Variants in ADGRL3 observed in about 807,000 individuals in gnomAD.
The protein encoded by ADGRL3 is adhesion G protein-coupled receptor L3.
A neutral mutation model predicts 153.5 loss-of-function variants in ADGRL3; 62 were observed. The ratio of observed to expected loss-of-function variants is 0.40; its 90% confidence interval spans 0.33 to 0.50. ADGRL3 has a LOEUF of 0.50. ADGRL3 is among the 20% of genes least tolerant of loss of function. The pLI is 0.47. For missense variants in ADGRL3, 1,641 were observed against 1,859.4 expected, an observed-to-expected ratio of 0.88 and a Z score of 2.16; for synonymous variants, 710 against 672.5, an observed-to-expected ratio of 1.06 and a Z score of -0.86.
intron 1 of ADGRL3, among the ~76,000 whole-genome samples, chr4:61,205,774 G>T (rs994275442): frequency 6.6e-6 from 1 of 152,116 alleles, no homozygotes; most frequent in Admixed American, 6.5e-5. Flanking sequence ...TTGATCAATG[G>T]AGAGAAAAAT....
intron 2 of ADGRL3, among the ~76,000 whole-genome samples, chr4:61,394,144 T>A (rs2096843507): frequency 6.6e-6 from 1 of 152,090 alleles, no homozygotes; most frequent in African/African-American, 2.4e-5. Flanking sequence ...TATAGAATAA[T>A]GAATAATCTC....
intron 4 of ADGRL3, among the ~76,000 whole-genome samples, chr4:61,526,837 T>A (rs565740224): frequency 7.9e-5 from 12 of 151,950 alleles, no homozygotes; most frequent in Non-Finnish European, 1.5e-4. Context: ...CCTTATGAGA[T>A]AAGTAGAGAA....
chr4:61,829,694 CTT>C (rs2097848511), intron 9 of ADGRL3, among the ~76,000 whole-genome samples: 2 of 151,946 alleles, frequency 1.3e-5, no homozygotes, highest in Admixed American at 1.3e-4. Flanking sequence ...TTTTTTACCA[CTT>C]TTTTTAAAAA....
chr4:61,939,359 C>T (rs2098861944), intron 15 of ADGRL3, among the ~76,000 whole-genome samples: 1 of 152,132 alleles, frequency 6.6e-6, no homozygotes, highest in Non-Finnish European at 1.5e-5. Flanking sequence ...TAAATCTCTT[C>T]TGTATGCAGA....
intron 2 of ADGRL3, among the ~76,000 whole-genome samples, chr4:61,428,478 G>T (rs182897526): frequency 6.6e-6 from 1 of 152,286 alleles, no homozygotes; most frequent in East Asian, 1.9e-4. Context: ...ACCATCAATA[G>T]TTTCAAAGGC....
intron 1 of ADGRL3, among the ~76,000 whole-genome samples, chr4:61,302,872 A>G (rs2094625703): frequency 6.6e-6 from 1 of 152,176 alleles, no homozygotes; most frequent in Non-Finnish European, 1.5e-5. Flanking sequence ...TATTGTCTTT[A>G]TAATCAGGAA....
Position 61,775,684 on chromosome 4 carries a change from C to G in ADGRL3, c.1400-38125C>G, listed in dbSNP as rs1420295174. 9.4e-6 allele frequency: 14 copies of G among 1,486,386 alleles called. 1 individual carries two copies. The Admixed American group carries it at 1.3e-4, about 14-fold the overall frequency. 92.1% of individuals were successfully genotyped at this position (1,486,386 alleles called of 1,614,324 possible). A position where few individuals can be genotyped will look rare whatever the true frequency, so the allele number is the denominator to read the frequency against. ...CTTGACATACATCACAGGCTCATCA[C>G]AGTTGGATGCAAGCACACAAAGGTG... On this transcript the variant is annotated intron_variant, in intron 8 of 26. Transcript: ENST00000683033.
rs145702282 is a variant in ADGRL3, at chr4:61,384,502, T to C, written c.-174+1313T>C. On this transcript the variant is annotated intron_variant, in intron 2 of 26. Coordinates refer to ENST00000683033, the MANE Select transcript of ADGRL3 (RefSeq NM_001387552.1). Reference sequence around the variant, plus strand: ...AAATAATTTACATACATTTTCTATTTATATGTAAAATTCTTACTTTTTTGG... The same window carrying C: ...AAATAATTTACATACATTTTCTATTCATATGTAAAATTCTTACTTTTTTGG... Among the ~76,000 whole-genome samples the C allele has an allele frequency of 6.4e-4, 97 of 151,528 alleles. 1 individual carries two copies. In the East Asian group the frequency reaches 0.016, roughly 25 times the overall value.
At chr4:61,324,595 G>A (rs1037650746) in intron 1 of ADGRL3, among the ~76,000 whole-genome samples, 4 of 152,100 alleles carry the variant, frequency 2.6e-5, no homozygotes, top group Admixed American at 6.6e-5. Flanking sequence ...ACATAGACTT[G>A]TTTTTATAAT....
chr4:61,319,948 GATTGT>G (rs1366861055), intron 1 of ADGRL3, among the ~76,000 whole-genome samples: 1 of 152,134 alleles, frequency 6.6e-6, no homozygotes, highest in Non-Finnish European at 1.5e-5. Flanking sequence ...CTCCTAATAT[GATTGT>G]ATTTGGAAAT....
At position 61,639,498 on chromosome 4, in the gene ADGRL3, A is replaced by C. The variant is rs1388251196; in HGVS notation, c.474-37328A>C. Among the ~76,000 whole-genome samples the C allele has an allele frequency of 7.2e-5, 11 of 152,286 alleles. No individual in the cohort carries two copies. In the East Asian group the frequency reaches 1.9e-3, roughly 27 times the overall value. On this transcript the variant is annotated intron_variant, in intron 5 of 26. Transcript: ENST00000683033. ...CTATACTATATACTTTTAACATAGA[A>C]AGGAAATTTCAACAGTTACACTCGC...
chr4:61,743,107 T>G (rs1580558397), intron 8 of ADGRL3, among the ~76,000 whole-genome samples: 1 of 151,328 alleles, frequency 6.6e-6, no homozygotes, highest in Non-Finnish European at 1.5e-5. Context: ...GATCACAAGG[T>G]TAGAAGATCT....
Position 61,748,075 on chromosome 4 carries a change from G to T in ADGRL3, c.1399+14521G>T, listed in dbSNP as rs1170679505. 7.3e-5 allele frequency among the ~76,000 whole-genome samples: 11 copies of T among 151,270 alleles called. No homozygotes were observed. In the East Asian group the frequency reaches 1.8e-3, roughly 25 times the overall value. ...CTTATACACCAATAACAGACAAACA[G>T]AGAGCCAAATCATGAGTGAACTCCC... On this transcript the variant is annotated intron_variant, in intron 8 of 26. Coordinates refer to ENST00000683033, the MANE Select transcript of ADGRL3 (RefSeq NM_001387552.1).
intron 9 of ADGRL3, among the ~76,000 whole-genome samples, chr4:61,871,052 G>A (rs1007027708): frequency 2.6e-5 from 4 of 152,152 alleles, no homozygotes; most frequent in Non-Finnish European, 1.5e-5. Flanking sequence ...GCCAAGGCGG[G>A]CGAATCACGA....
At chr4:61,393,219 C>G (rs2096833571) in intron 2 of ADGRL3, among the ~76,000 whole-genome samples, 1 of 152,014 alleles carries the variant, frequency 6.6e-6, no homozygotes. Flanking sequence ...GGTCTTGGGT[C>G]ATTGAGAAGA....
intron 2 of ADGRL3, among the ~76,000 whole-genome samples, chr4:61,443,182 A>G (rs1000481413): frequency 1.3e-5 from 2 of 152,176 alleles, no homozygotes; most frequent in African/African-American, 4.8e-5. Context: ...TATGCAACAT[A>G]GTCTGTTTAC....
At chr4:61,420,851 T>A (rs943765050) in intron 2 of ADGRL3, among the ~76,000 whole-genome samples, 16 of 147,608 alleles carry the variant, frequency 1.1e-4, no homozygotes, top group Non-Finnish European at 2.1e-4. Context: ...ATTATATAAA[T>A]CTTTGTTTTT....
chr4:61,512,234 G>A (rs1377242264), intron 3 of ADGRL3, among the ~76,000 whole-genome samples: 2 of 152,076 alleles, frequency 1.3e-5, no homozygotes, highest in African/African-American at 2.4e-5. Context: ...ATACTTTCCT[G>A]TTAGCTAAAG....
intron 8 of ADGRL3, among the ~76,000 whole-genome samples, chr4:61,800,781 T>A (rs1468724910): frequency 6.6e-6 from 1 of 152,222 alleles, no homozygotes; most frequent in African/African-American, 2.4e-5. Flanking sequence ...CCATCAGGCA[T>A]AATTCTGAAA....
Sources: allele counts gnomAD v4.1 joint callset (sites outside exome capture counted in the v4.1 genomes callset), GRCh38; gene constraint gnomAD v4.1.1; transcripts MANE v1.5; gene names NCBI Gene and HGNC (gene_info 2026-07-23, HGNC 2026-07-21).